GAS2L3: variants seen among roughly 807,000 people sequenced by gnomAD.
The protein encoded by GAS2L3 is growth arrest specific 2 like 3, also known as GAS2-like protein 3.
Under a neutral mutation model 37.0 loss-of-function variants are expected in GAS2L3, and 28 were observed. That is an observed-to-expected ratio of 0.76 (90% CI 0.56 to 1.04). GAS2L3 has a LOEUF of 1.04. GAS2L3 is among the 50% of genes least tolerant of loss of function. GAS2L3 has a pLI of 0.00. For missense variants in GAS2L3, 793 were observed against 817.6 expected, an observed-to-expected ratio of 0.97 and a Z score of 0.37; for synonymous variants, 290 against 296.6, an observed-to-expected ratio of 0.98 and a Z score of 0.23.
chr12:100,576,228 A>T (rs1316678488), intron 1 of GAS2L3, among the ~76,000 whole-genome samples: 1 of 152,150 alleles, frequency 6.6e-6, no homozygotes, highest in East Asian at 1.9e-4. Context: ...ATTTTCATTT[A>T]TTCACTATGT....
intron 6 of GAS2L3, among the ~76,000 whole-genome samples, 170 bp from the exon 7 acceptor site, chr12:100,617,574 T>G (rs1373676742): frequency 1.3e-5 from 2 of 152,164 alleles, no homozygotes; most frequent in African/African-American, 4.8e-5. Context: ...TAAACTAATT[T>G]GTTGAAGATA....
At chr12:100,590,436 C>T (rs1421072202) in intron 1 of GAS2L3, among the ~76,000 whole-genome samples, 5 of 152,042 alleles carry the variant, frequency 3.3e-5, no homozygotes, top group Admixed American at 1.3e-4. Context: ...GGCATGGATG[C>T]GGTGAACAAG....
chr12:100,603,703 C>T (rs901739311), intron 5 of GAS2L3, among the ~76,000 whole-genome samples: 4 of 151,958 alleles, frequency 2.6e-5, no homozygotes. Flanking sequence ...AAGCTTTTGC[C>T]CAGACCAATA....
chr12:100,600,995 A>AAATGTC (rs545810541), intron 4 of GAS2L3, among the ~76,000 whole-genome samples: 28 of 152,146 alleles, frequency 1.8e-4, no homozygotes, highest in Non-Finnish European at 2.2e-4. Context: ...ACCTAGGAAG[A>AAATGTC]AATGTCAGGT....
chr12:100,600,849 C>G (rs968905742), intron 4 of GAS2L3, among the ~76,000 whole-genome samples: 1 of 151,886 alleles, frequency 6.6e-6, no homozygotes, highest in African/African-American at 2.4e-5. Context: ...TTGTATTGGT[C>G]TAATTTTTTT....
intron 8 of GAS2L3, among the ~76,000 whole-genome samples, chr12:100,620,740 C>T (rs144528240): frequency 0.012 from 1,871 of 152,044 alleles, 20 homozygotes; most frequent in Non-Finnish European, 0.021. Flanking sequence ...TATACAACAG[C>T]AATTCTATAT....
intron 5 of GAS2L3, among the ~76,000 whole-genome samples, chr12:100,602,475 C>T (rs1177452732): frequency 6.6e-6 from 1 of 151,306 alleles, no homozygotes; most frequent in Non-Finnish European, 1.5e-5. Flanking sequence ...ATATATATAT[C>T]ACTGAAAATA....
At chr12:100,615,956 G>A (rs1361872038) in intron 6 of GAS2L3, among the ~76,000 whole-genome samples, 1 of 151,960 alleles carries the variant, frequency 6.6e-6, no homozygotes, top group Non-Finnish European at 1.5e-5. Context: ...AGATTGGTTA[G>A]GCTTTTCTGT....
chr12:100,623,152 T>C (rs778866073), intron 9 of GAS2L3, among the ~76,000 whole-genome samples: 25 of 152,218 alleles, frequency 1.6e-4, no homozygotes, highest in Non-Finnish European at 3.1e-4. Flanking sequence ...TAATTAGCTT[T>C]CTGTTTTAAG....
intron 1 of GAS2L3, among the ~76,000 whole-genome samples, chr12:100,581,382 G>A (rs956808840): frequency 6.6e-6 from 1 of 152,158 alleles, no homozygotes; most frequent in Non-Finnish European, 1.5e-5. Flanking sequence ...TATCCACATG[G>A]TGTGTATTAT....
At chr12:100,578,104 T>C (rs1053482333) in intron 1 of GAS2L3, among the ~76,000 whole-genome samples, 6 of 152,292 alleles carry the variant, frequency 3.9e-5, no homozygotes, top group South Asian at 2.1e-4. Context: ...AAGAACAGGG[T>C]TGCAAGGCTG....
intron 1 of GAS2L3, among the ~76,000 whole-genome samples, chr12:100,585,153 C>T (rs1159419841): frequency 4.6e-5 from 7 of 151,430 alleles, no homozygotes; most frequent in African/African-American, 1.7e-4. Context: ...CCTGCCTTGG[C>T]CTCCCAAAGT....
chr12:100,618,744 G>A (rs1008763689), intron 8 of GAS2L3, 157 bp downstream of exon 8: 28 of 587,450 alleles, frequency 4.8e-5, no homozygotes, highest in Non-Finnish European at 7.7e-5. Flanking sequence ...TGAATTCAGG[G>A]CATTATATTT....
intron 3 of GAS2L3, among the ~76,000 whole-genome samples, chr12:100,597,767 C>T (rs1955932649): frequency 6.6e-6 from 1 of 151,900 alleles, no homozygotes; most frequent in Admixed American, 6.6e-5. Flanking sequence ...GTAGTTTCCC[C>T]CATTCCCCGC....
chr12:100,612,430 C>A, intron 6 of GAS2L3: 1 of 254,484 alleles, frequency 3.9e-6, no homozygotes. Context: ...TTGATATTTT[C>A]ATTAAGAATT....
intron 1 of GAS2L3, among the ~76,000 whole-genome samples, chr12:100,589,655 C>T (rs1955822351): frequency 6.6e-6 from 1 of 152,144 alleles, no homozygotes; most frequent in African/African-American, 2.4e-5. Flanking sequence ...GGAAGCATCA[C>T]ACTACCTGAT....
chr12:100,574,680 CG>C (rs1260284170), intron 1 of GAS2L3, among the ~76,000 whole-genome samples: 1 of 152,188 alleles, frequency 6.6e-6, no homozygotes, highest in Non-Finnish European at 1.5e-5. Flanking sequence ...GGTTTTGCTT[CG>C]CTTGTGTGAA....
Position 100,623,628 on chromosome 12 carries a change from C to T in GAS2L3, c.823C>T (p.Leu275Phe). ...CTGGGATACTCTTCAAGGATTTTTG[C>T]TTAAATATGACCCCTGTCGAATATT... is the stretch of plus-strand genomic sequence containing the variant. ...GGWDTLQGFL[L>F]KYDPCRILQF... The change falls in exon 10 of 10, where the codon CTT becomes TTT. Residue 275 changes from leucine to phenylalanine, a missense_variant. Coordinates refer to ENST00000547754, the MANE Select transcript of GAS2L3 (RefSeq NM_174942.3). 1.2e-6 allele frequency: 2 copies of T among 1,612,798 alleles called. No individual in the cohort carries two copies. The highest frequency in any genetic ancestry group is 1.7e-4 in the Middle Eastern group (1 of 6,052).
intron 1 of GAS2L3, among the ~76,000 whole-genome samples, chr12:100,582,207 G>A (rs1044100271): frequency 1.3e-5 from 2 of 152,212 alleles, no homozygotes; most frequent in Admixed American, 6.5e-5. Flanking sequence ...TTTCCCTTGC[G>A]GGGCAGGGGC....
Sources: allele counts gnomAD v4.1 joint callset (sites outside exome capture counted in the v4.1 genomes callset), GRCh38; gene constraint gnomAD v4.1.1; transcripts MANE v1.5; gene names NCBI Gene and HGNC (gene_info 2026-07-23, HGNC 2026-07-21).